The following PSD3 variants were observed in gnomAD, a reference collection of about 807,000 sequenced individuals.
PSD3 encodes the protein pleckstrin and Sec7 domain containing 3, also known as PH and SEC7 domain-containing protein 3.
A neutral mutation model predicts 105.5 loss-of-function variants in PSD3; 49 were observed. The ratio of observed to expected loss-of-function variants is 0.46; its 90% CI spans 0.37 to 0.59. PSD3 has a LOEUF of 0.59. PSD3 is among the 20% of genes least tolerant of loss of function. The pLI is 0.00. For missense variants in PSD3, 1,561 were observed against 1,263.8 expected (o/e 1.24, Z -3.57); for synonymous variants, 557 against 457.8 (o/e 1.22, Z -2.77).
chr8:18,976,525 C>A (rs1896201), intron 1 of PSD3, among the ~76,000 whole-genome samples: 1 of 152,020 alleles, frequency 6.6e-6, no homozygotes, highest in South Asian at 2.1e-4. Context: ...TTAGCAGTAG[C>A]CAAGTTCCAA....
intron 2 of PSD3, among the ~76,000 whole-genome samples, chr8:18,905,866 G>A (rs1285821074): frequency 3.9e-5 from 6 of 151,984 alleles, no homozygotes; most frequent in African/African-American, 1.2e-4. Context: ...TAAGATTAAA[G>A]CAAGTGGTCT....
intron 9 of PSD3, among the ~76,000 whole-genome samples, chr8:18,735,227 C>G (rs1251561390): frequency 2.6e-5 from 4 of 152,086 alleles, no homozygotes; most frequent in Non-Finnish European, 5.9e-5. Flanking sequence ...TAAGAGGAGA[C>G]TACTTACCGC....
intron 9 of PSD3, among the ~76,000 whole-genome samples, chr8:18,657,362 C>A (rs1038606): frequency 6.6e-6 from 1 of 151,974 alleles, no homozygotes; most frequent in Non-Finnish European, 1.5e-5. Context: ...GTATTCTTAG[C>A]CAGTATCTTG....
At chr8:18,675,358 A>G (rs73199912) in intron 9 of PSD3, among the ~76,000 whole-genome samples, 9,602 of 152,292 alleles carry the variant, frequency 0.063, 477 homozygotes, top group African/African-American at 0.14. Flanking sequence ...GAGTGCAAGA[A>G]GGAGATTAGA....
At chr8:19,073,568 A>G (rs1829345389) in intron 1 of PSD3, among the ~76,000 whole-genome samples, 1 of 150,226 alleles carries the variant, frequency 6.7e-6, no homozygotes, top group Non-Finnish European at 1.5e-5. Context: ...AAAAAAAAAA[A>G]AAAAAAAAAA....
At chr8:18,754,135 C>T (rs1805828584) in intron 9 of PSD3, among the ~76,000 whole-genome samples, 3 of 152,050 alleles carry the variant, frequency 2.0e-5, no homozygotes, top group Admixed American at 2.0e-4. Flanking sequence ...TGTAATCCCA[C>T]CACTTTGGGA....
chr8:18,892,487 T>C (rs1302694495), intron 2 of PSD3, among the ~76,000 whole-genome samples: 1 of 152,006 alleles, frequency 6.6e-6, no homozygotes, highest in Non-Finnish European at 1.5e-5. Context: ...CCTCCCAAAG[T>C]GCTGGGATTA....
chr8:18,543,269 T>A (rs1030666936), intron 15 of PSD3, among the ~76,000 whole-genome samples: 3 of 152,044 alleles, frequency 2.0e-5, no homozygotes, highest in African/African-American at 4.8e-5. Flanking sequence ...CCTTATTACA[T>A]TTTTTTGCTG....
At chr8:19,008,267 TCAAA>T (rs1262605515) in intron 1 of PSD3, among the ~76,000 whole-genome samples, 1 of 152,216 alleles carries the variant, frequency 6.6e-6, no homozygotes, top group African/African-American at 2.4e-5. Context: ...ACTTTGCTAT[TCAAA>T]CAAAGTTTCA....
chr8:19,013,081 T>G (rs1827029895), intron 1 of PSD3, among the ~76,000 whole-genome samples: 1 of 152,210 alleles, frequency 6.6e-6, no homozygotes, highest in African/African-American at 2.4e-5. Context: ...TAAATGCATG[T>G]AAAACAGAAT....
intron 14 of PSD3, among the ~76,000 whole-genome samples, chr8:18,567,105 C>G (rs924377490): frequency 2.0e-5 from 3 of 152,168 alleles, no homozygotes; most frequent in Non-Finnish European, 4.4e-5. Context: ...AAGTTACATT[C>G]ACCTTCCATG....
At chr8:18,712,652 A>C (rs745549299) in intron 9 of PSD3, among the ~76,000 whole-genome samples, 6 of 152,084 alleles carry the variant, frequency 3.9e-5, no homozygotes, top group Non-Finnish European at 8.8e-5. Flanking sequence ...TCCCAACCAA[A>C]CAAACAAAAA....
intron 9 of PSD3, among the ~76,000 whole-genome samples, chr8:18,739,689 T>C (rs963855320): frequency 2.8e-4 from 43 of 152,170 alleles, no homozygotes; most frequent in African/African-American, 1.0e-3. Flanking sequence ...ATCAACAACT[T>C]ATCATTGTAT....
chr8:18,828,196 AG>A (rs1813388167), intron 4 of PSD3, among the ~76,000 whole-genome samples: 2 of 151,646 alleles, frequency 1.3e-5, no homozygotes, highest in African/African-American at 4.8e-5. Context: ...TCCATGTCAC[AG>A]ATTTGCCAAA....
At chr8:19,013,012 A>T (rs927970949) in intron 1 of PSD3, among the ~76,000 whole-genome samples, 98 of 150,884 alleles carry the variant, frequency 6.5e-4, no homozygotes, top group South Asian at 8.4e-4. Flanking sequence ...TAATGTGTTT[A>T]AAAAAAAAAT....
chr8:19,064,748 C>T (rs745674682), intron 1 of PSD3, among the ~76,000 whole-genome samples: 25 of 152,062 alleles, frequency 1.6e-4, no homozygotes, highest in Non-Finnish European at 3.1e-4. Flanking sequence ...ACATGAAATT[C>T]CAGGAATTAA....
At chr8:18,600,007 G>A (rs1358258394) in intron 12 of PSD3, among the ~76,000 whole-genome samples, 2 of 152,046 alleles carry the variant, frequency 1.3e-5, no homozygotes, top group African/African-American at 4.8e-5. Context: ...GTAAAATAAG[G>A]GTCACTTGAA....
chr8:19,062,276 G>T (rs1255976845), intron 1 of PSD3, among the ~76,000 whole-genome samples: 3 of 152,202 alleles, frequency 2.0e-5, no homozygotes, highest in African/African-American at 7.2e-5. Context: ...AATCCTGGCA[G>T]TCAAACATTG....
intron 9 of PSD3, among the ~76,000 whole-genome samples, chr8:18,740,348 G>C (rs1163009816): frequency 1.3e-5 from 2 of 152,154 alleles, no homozygotes; most frequent in Non-Finnish European, 2.9e-5. Context: ...CACCCTTTCT[G>C]TTCCACTTCA....
Sources: allele counts gnomAD v4.1 joint callset (sites outside exome capture counted in the v4.1 genomes callset), GRCh38; gene constraint gnomAD v4.1.1; transcripts MANE v1.5; gene names NCBI Gene and HGNC (gene_info 2026-07-23, HGNC 2026-07-21).